The following SPRY3 variants were observed in gnomAD, a reference collection of about 807,000 sequenced individuals.
SPRY3 encodes protein sprouty homolog 3.
A neutral mutation model predicts 20.2 loss-of-function variants in SPRY3; 15 were observed. The observed-to-expected ratio is 0.74, with a 90% CI of 0.50 to 1.14. The LOEUF is 1.14. Among genes scored for constraint, SPRY3 ranks in the 50% most tolerant of loss-of-function variants. The probability of loss-of-function intolerance (pLI) is 0.00; values close to 1 mark genes in which losing one functional copy is unlikely to be tolerated. For synonymous variants in SPRY3, 143 were observed against 136.5 expected (o/e 1.05, Z -0.33); for missense variants, 364 against 363.9 (o/e 1.00, Z 0.00).
intron 2 of SPRY3, among the ~76,000 whole-genome samples, chrX:155,663,138 G>T (rs2068015460): frequency 8.9e-6 from 1 of 112,101 alleles, no homozygotes; most frequent in African/African-American, 3.2e-5. Flanking sequence ...ATAAGCAACA[G>T]CATACCAAAG....
chrX:155,716,887 A>C (rs2091026632), intron 2 of SPRY3, among the ~76,000 whole-genome samples: 1 of 150,020 alleles, frequency 6.7e-6, no homozygotes, highest in Non-Finnish European at 1.5e-5. Context: ...TAATCCCAGC[A>C]CTTTGGGAGG....
rs782365558 is a variant in SPRY3 at position 155,635,896 on chromosome X, A to G, written c.-440-20971A>G. ...ACTTACCATATACCACATCACCCAG[A>G]AGCATCTGGACTGACTGAACAATGG... On this transcript the variant is annotated intron_variant, in intron 1 of 3. Coordinates refer to ENST00000675360, the Ensembl canonical transcript of SPRY3. Among the ~76,000 whole-genome samples, 3 of 112,126 alleles carry G rather than the reference A, an allele frequency of 2.7e-5. No individual in the cohort carries two copies. In the East Asian group the frequency reaches 8.4e-4, roughly 31 times the overall value.
chrX:155,720,781 C>A (rs1014006820), intron 2 of SPRY3, among the ~76,000 whole-genome samples: 5 of 152,138 alleles, frequency 3.3e-5, no homozygotes, highest in Non-Finnish European at 7.4e-5. Flanking sequence ...ACCCCCAAGT[C>A]TTACCAATAT....
At chrX:155,618,210 A>G (rs1557349098) in intron 1 of SPRY3, among the ~76,000 whole-genome samples, 1 of 111,933 alleles carries the variant, frequency 8.9e-6, no homozygotes, top group African/African-American at 3.2e-5. Context: ...CCTGGCAACC[A>G]TTAATATGTT....
At chrX:155,770,152 C>G (rs2091372115) in intron 3 of SPRY3, among the ~76,000 whole-genome samples, 1 of 152,096 alleles carries the variant, frequency 6.6e-6, no homozygotes, top group South Asian at 2.1e-4. Context: ...AAAACAAGAG[C>G]CAGGATCTCC....
intron 2 of SPRY3, among the ~76,000 whole-genome samples, chrX:155,720,526 C>A (rs909687334): frequency 2.0e-5 from 3 of 152,158 alleles, no homozygotes; most frequent in African/African-American, 7.2e-5. Context: ...AGGTCTGACC[C>A]AGTGCAGTCA....
At chrX:155,630,135 C>T (rs2067901357) in intron 1 of SPRY3, among the ~76,000 whole-genome samples, 1 of 112,047 alleles carries the variant, frequency 8.9e-6, no homozygotes, top group South Asian at 3.7e-4. Context: ...TTCACTCCCA[C>T]ATTTTGAATT....
exon 4 of SPRY3, chrX:155,776,130 A>C (rs1423697580): frequency 1.8e-5 from 3 of 167,082 alleles, no homozygotes; most frequent in Non-Finnish European, 4.4e-5. Context: ...TTCCCATTCA[A>C]TTACTTTTCA....
At chrX:155,616,404 T>C (rs782425950) in intron 1 of SPRY3, among the ~76,000 whole-genome samples, 1 of 110,600 alleles carries the variant, frequency 9.0e-6, no homozygotes, top group East Asian at 2.9e-4. Context: ...TACAGCTCTA[T>C]GGAAGTCTCA....
rs764301466 is a variant in SPRY3 at position 155,754,612 on chromosome X, A to T, written c.-281-13350A>T. On this transcript the variant is annotated intron_variant, in intron 2 of 3. Transcript: ENST00000675360. ...TCCATATGAATTTTAGGGTTCATTCATGAATTTTTGCAAAAAAATCTGGCT... is the reference window on the plus strand; with the variant it reads ...TCCATATGAATTTTAGGGTTCATTCTTGAATTTTTGCAAAAAAATCTGGCT... Among the ~76,000 whole-genome samples the T allele has an allele frequency of 2.0e-5, 3 of 152,034 alleles. No individual in the cohort carries two copies. The East Asian group carries it at 5.8e-4, about 29-fold the overall frequency.
At chrX:155,755,175 T>C (rs1469748541) in intron 2 of SPRY3, among the ~76,000 whole-genome samples, 1 of 143,174 alleles carries the variant, frequency 7.0e-6, no homozygotes, top group Non-Finnish European at 1.5e-5. Flanking sequence ...AATCTCAGAA[T>C]TCTTAGTCAA....
At chrX:155,724,137 G>T (rs1312537271) in intron 2 of SPRY3, among the ~76,000 whole-genome samples, 2 of 152,018 alleles carry the variant, frequency 1.3e-5, no homozygotes, top group Non-Finnish European at 2.9e-5. Flanking sequence ...CTGTTCCATT[G>T]GTCTATACCT....
intron 2 of SPRY3, among the ~76,000 whole-genome samples, chrX:155,721,398 AAC>A (rs1305661324): frequency 9.2e-5 from 14 of 152,312 alleles, no homozygotes; most frequent in African/African-American, 3.1e-4. Context: ...AAGGGATAGT[AAC>A]AGAGAACCTC....
chrX:155,763,581 T>A (rs889007221), intron 2 of SPRY3, among the ~76,000 whole-genome samples: 19 of 152,198 alleles, frequency 1.2e-4, no homozygotes, highest in Non-Finnish European at 2.4e-4. Context: ...TTCGAGTTAT[T>A]CTCCAGCACT....
chrX:155,671,821 G>A (rs1302694278), intron 2 of SPRY3, among the ~76,000 whole-genome samples: 1 of 111,275 alleles, frequency 9.0e-6, no homozygotes, highest in Non-Finnish European at 1.9e-5. Flanking sequence ...ATTAATTTTT[G>A]TATAAGGTAT....
chrX:155,766,384 C>T (rs865907614), intron 2 of SPRY3, among the ~76,000 whole-genome samples: 3 of 152,090 alleles, frequency 2.0e-5, no homozygotes, highest in African/African-American at 4.8e-5. Flanking sequence ...AATTGACACT[C>T]TAGAGGGGAA....
chrX:155,773,972 C>G lies in SPRY3; in HGVS notation c.101C>G (p.Pro34Arg), dbSNP rs769730600. Residue 34 changes from proline (P) to arginine (R), a missense_variant, in exon 4 of 4, where the codon CCC (proline) becomes CGC (arginine). By Grantham distance (103) the Pro-to-Arg change is moderately radical (BLOSUM62 -2). Transcript: ENST00000675360. ...GACTACGTGGAACGGCCTCCAGCCC[C>G]CTGTAAACAGGCCCTCTCCAGCCCT... is the stretch of plus-strand genomic sequence containing the variant. 8 of 1,613,882 alleles carry G rather than the reference C, an allele frequency of 5.0e-6. No individual in the cohort carries two copies. In the African/African-American group the frequency reaches 6.7e-5, roughly 13 times the overall value.
At chrX:155,659,150 TC>T (rs2068002132) in intron 2 of SPRY3, among the ~76,000 whole-genome samples, 1 of 106,371 alleles carries the variant, frequency 9.4e-6, no homozygotes, top group Admixed American at 1.0e-4. Context: ...TTTCTTTCTT[TC>T]TTTCTTTTTT....
chrX:155,649,236 A>T (rs781801851), intron 1 of SPRY3, among the ~76,000 whole-genome samples: 26 of 111,977 alleles, frequency 2.3e-4, no homozygotes, highest in Non-Finnish European at 4.0e-4. Context: ...TCCAAACAAT[A>T]GAAAAAGAGG....
Sources: allele counts gnomAD v4.1 joint callset (sites outside exome capture counted in the v4.1 genomes callset), GRCh38; gene constraint gnomAD v4.1.1; transcripts MANE v1.5; gene names NCBI Gene and HGNC (gene_info 2026-07-23, HGNC 2026-07-21).